The following ZNF77 variants were observed in gnomAD, a reference collection of about 807,000 sequenced individuals.
ZNF77 encodes ZNFpT1.
A neutral mutation model predicts 13.5 loss-of-function variants in ZNF77; 15 were observed. The ratio of observed to expected loss-of-function variants is 1.11; its 90% CI spans 0.74 to 1.71. The LOEUF (loss-of-function observed/expected upper bound fraction) is 1.71, where lower values mean the gene tolerates loss of function less well. Ranked by LOEUF, ZNF77 falls within the 40% of genes most tolerant of loss-of-function variation. The probability of loss-of-function intolerance (pLI) is 0.00; values close to 1 mark genes in which losing one functional copy is unlikely to be tolerated. For synonymous variants in ZNF77, 282 were observed against 250.0 expected, an observed-to-expected ratio of 1.13 and a Z score of -1.21; for missense variants, 717 against 676.4, an observed-to-expected ratio of 1.06 and a Z score of -0.67.
rs112028745 is a variant in ZNF77, at chr19:2,933,408, G to A, written c.*81C>T. ...AGTGCTATACCAGGTTTTCCTACAT[G>A]CTCTACATAAATAACGTTTCTCACA... On this transcript the variant is annotated 3_prime_UTR_variant, in exon 4 of 4. Coordinates refer to ENST00000314531, the MANE Select transcript of ZNF77 (RefSeq NM_021217.3). The A allele has an allele frequency of 1.3e-5, 19 of 1,478,328 alleles. No individual in the cohort carries two copies. The highest frequency in any genetic ancestry group is 1.7e-5 in the Non-Finnish European group (19 of 1,111,552). The allele number at this position is 1,478,328 out of a possible 1,614,324, so 91.6% of individuals were successfully genotyped here. A position where few individuals can be genotyped will look rare whatever the true frequency, so the allele number is the denominator to read the frequency against.
At chr19:2,941,897 G>A (rs931295020) in intron 1 of ZNF77, among the ~76,000 whole-genome samples, 2 of 152,132 alleles carry the variant, frequency 1.3e-5, no homozygotes, top group Non-Finnish European at 2.9e-5. Context: ...CTGTGTGTGC[G>A]CCTTTCCCCT....
At position 2,933,263 on chromosome 19, in the gene ZNF77, A is replaced by G; in HGVS notation, c.*226T>C. ...TATTTATTAAATGTTTATATCACAAACATACACTAGAAATTAATACAAAAG... is the reference window on the plus strand; with the variant it reads ...TATTTATTAAATGTTTATATCACAAGCATACACTAGAAATTAATACAAAAG... On this transcript the variant is annotated 3_prime_UTR_variant, in exon 4 of 4. Coordinates refer to ENST00000314531, the MANE Select transcript of ZNF77 (RefSeq NM_021217.3). 2.3e-6 allele frequency: 1 copy of G among 428,462 alleles called. No individual in the cohort carries two copies. Among genetic ancestry groups the G allele is most frequent in the East Asian group, 3.5e-5 (1 of 28,890 alleles). The allele number at this position is 428,462 out of a possible 1,614,324, so 26.5% of individuals were successfully genotyped here.
chr19:2,938,826 G>T (rs1009765899), intron 2 of ZNF77, among the ~76,000 whole-genome samples: 4 of 151,986 alleles, frequency 2.6e-5, no homozygotes, highest in Non-Finnish European at 5.9e-5. Flanking sequence ...CGTGGTGGTG[G>T]GCACCTGTAG....
intron 3 of ZNF77, among the ~76,000 whole-genome samples, chr19:2,935,244 T>G (rs1208490359): frequency 2.7e-5 from 4 of 150,918 alleles, no homozygotes; most frequent in Admixed American, 2.0e-4. Flanking sequence ...GGTCTTGATC[T>G]CCTGACCTCG....
At position 2,934,356 on chromosome 19, in the gene ZNF77, C is replaced by T; in HGVS notation, c.771G>A (p.Arg257=). Residue 257 remains arginine (R), a synonymous_variant, in exon 4 of 4, where the codon CGG becomes CGA. Transcript: ENST00000314531. ...KTFMYYSYLT[R]HVRTHTGEKP... is the part of the protein sequence containing the mutation. ...TCTCTCCTGTGTGAGTTCTTACGTG[C>T]CGTGTAAGGTAGGAGTAATACATAA... 6.2e-7 allele frequency: 1 copy of T among 1,614,188 alleles called. No homozygotes were observed. The highest frequency in any genetic ancestry group is 8.5e-7 in the Non-Finnish European group (1 of 1,180,036).
rs868473701 is a variant in ZNF77, at chr19:2,933,521, GA to G, written c.1605del (p.Gln536LysfsTer4). 6.3e-7 allele frequency: 1 copy of G among 1,595,192 alleles called. No homozygotes were observed. Among genetic ancestry groups the G allele is most frequent in the African/African-American group, 1.3e-5 (1 of 74,764 alleles). On this transcript the variant is annotated frameshift_variant, in exon 4 of 4. Transcript: ENST00000314531. LOFTEE classifies it low-confidence loss of function (END_TRUNC). ...CCAGCATGTGTTCTCACATGTGCTTGAAGCGATGCGAGATACCTGAAGGTTT... is the reference window on the plus strand; with the variant it reads ...CCAGCATGTGTTCTCACATGTGCTTGAGCGATGCGAGATACCTGAAGGTTT... ...CGKTFRYLASLQAHVRTHAGA is the reference protein window; with the variant it reads ...CGKTFRYLASXQAHVRTHAGA
chr19:2,933,645 A>T lies in ZNF77; in HGVS notation c.1482T>A (p.Cys494Ter), dbSNP rs1234968915. Residue 494 changes from cysteine (C) to a stop codon, truncating the protein, a stop_gained, in exon 4 of 4, where the codon TGT becomes TGA. Transcript: ENST00000314531. LOFTEE classifies it low-confidence loss of function (END_TRUNC). The stretch of plus-strand genomic sequence containing the variant: ...AACTGTAGGCTTTCCCACATTCAGT[A>T]CATTCGTAGGGTTTGACCCCACTGT... ...RSHSGVKPYE[C>*]TECGKAYSCS... is the part of the protein sequence containing the mutation. 1 of 1,614,060 alleles carries T rather than the reference A, an allele frequency of 6.2e-7. No homozygotes were observed. The highest frequency in any genetic ancestry group is 1.7e-5 in the Admixed American group (1 of 60,016).
intron 1 of ZNF77, among the ~76,000 whole-genome samples, chr19:2,943,675 C>T (rs2088470046): frequency 6.9e-6 from 1 of 145,658 alleles, no homozygotes; most frequent in Non-Finnish European, 1.5e-5. Flanking sequence ...ATTTTTCTCT[C>T]TCCTTCTCTA....
intron 2 of ZNF77, among the ~76,000 whole-genome samples, chr19:2,937,982 C>G (rs1331201243): frequency 6.6e-6 from 1 of 152,180 alleles, no homozygotes; most frequent in Non-Finnish European, 1.5e-5. Context: ...GTCTTGAACT[C>G]CTGACCTTAG....
At position 2,934,738 on chromosome 19, in the gene ZNF77, A is replaced by G. The variant is rs761666381; in HGVS notation, c.389T>C (p.Leu130Pro). The G allele has an allele frequency of 1.9e-6, 3 of 1,614,206 alleles. No homozygotes were observed. Among genetic ancestry groups the G allele is most frequent in the Non-Finnish European group, 1.7e-6 (2 of 1,180,028 alleles). ...TTCGGTAGGGTAACTCTTGTGCACA[A>G]GAAGGTTCGCAGTCTGGCTCAAGGT... ...GETLSQTANL[L>P]VHKSYPTEAK... Residue 130 changes from leucine (L) to proline (P), a missense_variant, in exon 4 of 4, where the codon CTT becomes CCT. Leu to Pro is a moderately conservative substitution (Grantham distance 98). Coordinates refer to ENST00000314531, the MANE Select transcript of ZNF77 (RefSeq NM_021217.3).
At chr19:2,944,676 C>T (rs970874068) in intron 1 of ZNF77, among the ~76,000 whole-genome samples, 162 bp downstream of exon 1, 46 of 152,310 alleles carry the variant, frequency 3.0e-4, no homozygotes, top group African/African-American at 1.1e-3. Context: ...TGCCCCCAGC[C>T]CTACCCCTCG....
At position 2,933,514 on chromosome 19, in the gene ZNF77, T is replaced by A. The variant is rs1338538576; in HGVS notation, c.1613A>T (p.His538Leu). The change falls in exon 4 of 4, where the codon CAT becomes CTT. Residue 538 changes from histidine (H) to leucine (L), a missense_variant. His to Leu is a moderately conservative substitution (Grantham distance 99). Coordinates refer to ENST00000314531, the MANE Select transcript of ZNF77 (RefSeq NM_021217.3). ...TCACGCTCCAGCATGTGTTCTCACA[T>A]GTGCTTGAAGCGATGCGAGATACCT... ...TFRYLASLQA[H>L]VRTHAGA The A allele has an allele frequency of 6.3e-7, 1 of 1,587,102 alleles. No homozygotes were observed. Among genetic ancestry groups the A allele is most frequent in the South Asian group, 1.1e-5 (1 of 87,584 alleles).
chr19:2,937,892 G>A (rs1177458933), intron 2 of ZNF77, among the ~76,000 whole-genome samples: 3 of 152,082 alleles, frequency 2.0e-5, no homozygotes, highest in African/African-American at 7.2e-5. Flanking sequence ...GAGTAGCTGG[G>A]ATTACAGGCA....
intron 3 of ZNF77, 32 bp downstream of exon 3, chr19:2,936,492 G>A: frequency 1.9e-6 from 3 of 1,550,760 alleles, no homozygotes; most frequent in African/African-American, 1.4e-5. Context: ...GCTCTGCGGA[G>A]AGGCCCATCC....
rs73527691 is a variant in ZNF77, at chr19:2,939,607, C to A, written c.4-200G>T. 914 of 632,528 alleles carry A rather than the reference C, an allele frequency of 1.4e-3. 3 individuals are homozygous for A. In the African/African-American group the frequency reaches 0.015, roughly 11 times the overall value. 39.2% of individuals were successfully genotyped at this position (632,528 alleles called of 1,614,324 possible). A position where few individuals can be genotyped will look rare whatever the true frequency, so the allele number is the denominator to read the frequency against. ...ACAGGGAGCAAAGCGCAATGACGGC[C>A]TCTGCCAGAGACTTACAAAGAATTA... On this transcript the variant is annotated intron_variant, in intron 1 of 3. Transcript: ENST00000314531.
Position 2,934,841 on chromosome 19 carries a change from T to C in ZNF77, c.312-26A>G, listed in dbSNP as rs777180630. On this transcript the variant is annotated intron_variant, in intron 3 of 3. Transcript: ENST00000314531. ...CTGTTCAAAATGGGAAGCAAGCTACTAGTCATGAATGACTATAAGTGATTA... is the reference window on the plus strand; with the variant it reads ...CTGTTCAAAATGGGAAGCAAGCTACCAGTCATGAATGACTATAAGTGATTA... 2.5e-6 allele frequency: 4 copies of C among 1,580,376 alleles called. No individual in the cohort carries two copies. The South Asian group carries it at 3.5e-5, about 14-fold the overall frequency.
chr19:2,936,395 C>A, intron 3 of ZNF77, 129 bp downstream of exon 3: 2 of 988,508 alleles, frequency 2.0e-6, no homozygotes, highest in Non-Finnish European at 2.8e-6. Flanking sequence ...GTGATCCACC[C>A]GCCTCGGCCT....
intron 1 of ZNF77, among the ~76,000 whole-genome samples, chr19:2,942,724 C>T (rs531918260): frequency 7.9e-5 from 12 of 152,086 alleles, no homozygotes; most frequent in Middle Eastern, 3.4e-3. Context: ...CCTTCCCATA[C>T]GACTTAGATA....
intron 1 of ZNF77, among the ~76,000 whole-genome samples, chr19:2,940,605 A>G (rs930301141): frequency 1.3e-5 from 2 of 150,740 alleles, no homozygotes; most frequent in South Asian, 2.1e-4. Flanking sequence ...CCCAGGAGGC[A>G]GAGGTTGCAG....
Sources: gnomAD v4.1 joint callset for allele counts (sites outside exome capture counted in the v4.1 genomes callset) on GRCh38, gnomAD v4.1.1 for gene constraint, MANE v1.5 for transcripts, NCBI Gene and HGNC (gene_info 2026-07-23, HGNC 2026-07-21) for gene names.